IMPA2: variants seen among roughly 807,000 people sequenced by gnomAD.
IMPA2 encodes the protein IMP 2.
In IMPA2, 32 loss-of-function variants were observed where a neutral mutation model predicts 35.1. That is an observed-to-expected ratio of 0.91 (90% CI 0.69 to 1.23). The LOEUF (loss-of-function observed/expected upper bound fraction) is 1.23. IMPA2 is among the 50% of genes most tolerant of loss of function. The pLI, the probability that IMPA2 is intolerant of heterozygous loss-of-function variation, is 0.00. For synonymous variants in IMPA2, 135 were observed against 160.6 expected (o/e 0.84, Z 1.20); for missense variants, 334 against 387.6 (o/e 0.86, Z 1.16).
intron 1 of IMPA2, among the ~76,000 whole-genome samples, chr18:11,986,477 C>T (rs1906669423): frequency 6.6e-6 from 1 of 152,156 alleles, no homozygotes; most frequent in Admixed American, 6.5e-5. Flanking sequence ...GCCCTCCACA[C>T]AGTGGGTCCT....
At chr18:12,017,329 C>T (rs1203416213) in intron 5 of IMPA2, among the ~76,000 whole-genome samples, 1 of 152,206 alleles carries the variant, frequency 6.6e-6, no homozygotes, top group Non-Finnish European at 1.5e-5. Context: ...CAGGTCACTT[C>T]CTAGTCAGTA....
intron 1 of IMPA2, among the ~76,000 whole-genome samples, chr18:11,984,515 A>G (rs764209856): frequency 1.3e-5 from 2 of 152,252 alleles, no homozygotes; most frequent in Non-Finnish European, 2.9e-5. Context: ...TGGGCCAGAA[A>G]CTTAGACAAT....
Position 11,991,775 on chromosome 18 carries a change from T to C in IMPA2, c.97-7279T>C, listed in dbSNP as rs622246. ...GGGCCCTCAGCTGTTGGACAAGGCC[T>C]GCCCACAGGAAGGAGAGGGATCTAC... On this transcript the variant is annotated intron_variant, in intron 1 of 7. Coordinates refer to ENST00000269159, the MANE Select transcript of IMPA2 (RefSeq NM_014214.3). This position sits in a 1 kb window ranked among gnomAD's most constrained non-coding sequence, Gnocchi z 4.1. 0.39 allele frequency among the ~76,000 whole-genome samples: 58,871 copies of C among 151,880 alleles called. 13,051 individuals are homozygous for C. The highest frequency in any genetic ancestry group is 0.61 in the East Asian group (3,164 of 5,158).
In IMPA2 at chr18:12,014,514, TGAACTG is replaced by T. The variant is rs1163978361; in HGVS notation, c.490+145_490+150del. ...CTTTTTAGGGACATCGTGTCCCTGATGAACTGGAAATGGAGCCAGTTCTGTATGTTA... is the reference window on the plus strand; with the variant it reads ...CTTTTTAGGGACATCGTGTCCCTGATGAAATGGAGCCAGTTCTGTATGTTA... On this transcript the variant is annotated intron_variant, in intron 5 of 7. Transcript: ENST00000269159. 1.1e-5 allele frequency: 6 copies of T among 564,070 alleles called. No individual in the cohort carries two copies. In the South Asian group the frequency reaches 1.2e-4, roughly 11 times the overall value. The allele number at this position is 564,070 out of a possible 1,614,324, so 34.9% of individuals were successfully genotyped here. A position where few individuals can be genotyped will look rare whatever the true frequency, so the allele number is the denominator to read the frequency against.
rs1284423691 is a variant in IMPA2, at chr18:12,010,032, C to T, written c.335+45C>T. ...CCTCCATTGCAGGGCTTAACATGTC[C>T]TCTTCTGTGAGGTTTTGTCTTTTCA... On this transcript the variant is annotated intron_variant, in intron 3 of 7. Transcript: ENST00000269159. This position sits in a 1 kb window ranked among gnomAD's most constrained non-coding sequence, Gnocchi z 4.8. 1.4e-6 allele frequency: 2 copies of T among 1,433,304 alleles called. No homozygotes were observed. Among genetic ancestry groups the T allele is most frequent in the Non-Finnish European group, 9.8e-7 (1 of 1,019,512 alleles). 88.8% of individuals were successfully genotyped at this position (1,433,304 alleles called of 1,614,324 possible).
intron 1 of IMPA2, among the ~76,000 whole-genome samples, chr18:11,983,885 C>T (rs1479928633): frequency 3.9e-5 from 6 of 152,152 alleles, no homozygotes; most frequent in African/African-American, 1.4e-4. Context: ...TATCCTTTAG[C>T]CAGATGACCT....
At chr18:11,992,352 G>C (rs549686921) in intron 1 of IMPA2, among the ~76,000 whole-genome samples, 1 of 152,206 alleles carries the variant, frequency 6.6e-6, no homozygotes, top group African/African-American at 2.4e-5. Context: ...CTCTGGCAAG[G>C]CTCCGGCGTG....
Position 11,981,838 on chromosome 18 carries a change from GC to G in IMPA2, c.96+74del, listed in dbSNP as rs1341152967. The G allele has an allele frequency of 4.8e-6, 5 of 1,041,122 alleles. No individual in the cohort carries two copies. The Admixed American group carries it at 2.2e-4, about 45-fold the overall frequency. 64.5% of individuals were successfully genotyped at this position (1,041,122 alleles called of 1,614,324 possible). On this transcript the variant is annotated intron_variant, in intron 1 of 7. Transcript: ENST00000269159. ...TGGGCCTTGGGAGCCGCCTGGAGTGGCGGGGTCCTGGCGCGCAGCCGGCGGG... is the reference window on the plus strand; with the variant it reads ...TGGGCCTTGGGAGCCGCCTGGAGTGGGGGGTCCTGGCGCGCAGCCGGCGGG...
chr18:11,991,776 G>A lies in IMPA2; in HGVS notation c.97-7278G>A, dbSNP rs569059068. Among the ~76,000 whole-genome samples, 9 of 152,228 alleles carry A rather than the reference G, an allele frequency of 5.9e-5. No homozygotes were observed. The highest frequency in any genetic ancestry group is 2.1e-4 in the South Asian group (1 of 4,822). On this transcript the variant is annotated intron_variant, in intron 1 of 7. Coordinates refer to ENST00000269159, the MANE Select transcript of IMPA2 (RefSeq NM_014214.3). The surrounding 1 kb of genome is among the most constrained non-coding windows in gnomAD (Gnocchi z 4.1). ...GGCCCTCAGCTGTTGGACAAGGCCTGCCCACAGGAAGGAGAGGGATCTACT... is the reference window on the plus strand; with the variant it reads ...GGCCCTCAGCTGTTGGACAAGGCCTACCCACAGGAAGGAGAGGGATCTACT...
chr18:12,016,440 T>G (rs1277232952), intron 5 of IMPA2, among the ~76,000 whole-genome samples: 12 of 151,976 alleles, frequency 7.9e-5, no homozygotes, highest in Admixed American at 5.2e-4. Context: ...TTTTTTTTTT[T>G]TCTGAGATGG....
intron 5 of IMPA2, among the ~76,000 whole-genome samples, chr18:12,016,369 C>T (rs1355701724): frequency 1.3e-5 from 2 of 151,426 alleles, no homozygotes; most frequent in Admixed American, 6.6e-5. Context: ...GCATGCTCTT[C>T]AGCAGCACGG....
chr18:12,030,473 A>C lies in IMPA2; in HGVS notation c.*15A>C. On this transcript the variant is annotated 3_prime_UTR_variant, in exon 8 of 8. Coordinates refer to ENST00000269159, the MANE Select transcript of IMPA2 (RefSeq NM_014214.3). ...ATGAGAAGTGACTGCGGCTGAGGCA[A>C]AGCTGCTCCCAAGGCCTCCCTGGGC... 2.5e-6 allele frequency: 4 copies of C among 1,608,400 alleles called. No individual in the cohort carries two copies. The highest frequency in any genetic ancestry group is 2.6e-6 in the Non-Finnish European group (3 of 1,174,812).
intron 5 of IMPA2, among the ~76,000 whole-genome samples, chr18:12,022,303 G>A (rs1046371988): frequency 2.6e-5 from 4 of 151,866 alleles, no homozygotes; most frequent in Admixed American, 6.6e-5. Context: ...AGGCCGAGGT[G>A]GGTGGATCAG....
intron 2 of IMPA2, 65 bp downstream of exon 2, chr18:11,999,252 C>T: frequency 6.6e-7 from 1 of 1,507,270 alleles, no homozygotes. Context: ...AATGCAGGGT[C>T]TGCCGGGGTC....
intron 5 of IMPA2, among the ~76,000 whole-genome samples, chr18:12,023,082 A>G (rs1330155543): frequency 1.3e-5 from 2 of 151,214 alleles, no homozygotes; most frequent in Non-Finnish European, 2.9e-5. Context: ...GGCATGAGCC[A>G]CTGCACCCAG....
At chr18:12,003,481 A>G (rs1230824590) in intron 2 of IMPA2, among the ~76,000 whole-genome samples, 1 of 152,010 alleles carries the variant, frequency 6.6e-6, no homozygotes, top group African/African-American at 2.4e-5. Flanking sequence ...CCCCGTCTCT[A>G]CTAAAAATAG....
At chr18:12,011,682 G>A (rs1257239385) in intron 3 of IMPA2, among the ~76,000 whole-genome samples, 1 of 152,246 alleles carries the variant, frequency 6.6e-6, no homozygotes, top group African/African-American at 2.4e-5. Context: ...TGCAGCCGTG[G>A]CTGTCCCTGC....
At chr18:12,022,585 A>G (rs1210026919) in intron 5 of IMPA2, among the ~76,000 whole-genome samples, 1 of 139,940 alleles carries the variant, frequency 7.1e-6, no homozygotes, top group Non-Finnish European at 1.6e-5. Context: ...TTAAGACCTA[A>G]GATATGGTAA....
At chr18:11,986,676 G>A (rs1004689253) in intron 1 of IMPA2, among the ~76,000 whole-genome samples, 2 of 152,190 alleles carry the variant, frequency 1.3e-5, no homozygotes, top group African/African-American at 4.8e-5. Flanking sequence ...GAAAGCACAT[G>A]ATGAAGAACA....
Sources: allele counts gnomAD v4.1 joint callset (sites outside exome capture counted in the v4.1 genomes callset), GRCh38; gene constraint gnomAD v4.1.1; non-coding constraint Gnocchi (gnomAD v3.1); transcripts MANE v1.5; gene names NCBI Gene and HGNC (gene_info 2026-07-23, HGNC 2026-07-21).